Variants in NECTIN3 observed in about 807,000 individuals in gnomAD.
The protein encoded by NECTIN3 is nectin cell adhesion molecule 3, also known as nectin-3.
A neutral mutation model predicts 49.4 loss-of-function variants in NECTIN3; 8 were observed. The ratio of observed to expected loss-of-function variants is 0.16; its 90% CI spans 0.10 to 0.29. The LOEUF (loss-of-function observed/expected upper bound fraction) is 0.29. Ranked by LOEUF, NECTIN3 falls within the 10% of genes least tolerant of loss-of-function variation. NECTIN3 has a pLI of 1.00. For missense variants in NECTIN3, 581 were observed against 654.6 expected, an observed-to-expected ratio of 0.89 and a Z score of 1.23; for synonymous variants, 277 against 241.1, an observed-to-expected ratio of 1.15 and a Z score of -1.38.
At chr3:111,157,612 A>G (rs564727834) in intron 7 of NECTIN3, among the ~76,000 whole-genome samples, 6 of 152,138 alleles carry the variant, frequency 3.9e-5, no homozygotes, top group Admixed American at 2.6e-4. Context: ...CAGTGTAAAG[A>G]TGATGTTTCC....
chr3:111,147,859 C>G (rs2034913290), intron 7 of NECTIN3, among the ~76,000 whole-genome samples: 3 of 152,110 alleles, frequency 2.0e-5, no homozygotes, highest in African/African-American at 4.8e-5. Context: ...AAATGAATAT[C>G]TGTTGAGTAG....
At chr3:111,167,586 G>C (rs532522320) in intron 7 of NECTIN3, among the ~76,000 whole-genome samples, 1 of 152,150 alleles carries the variant, frequency 6.6e-6, no homozygotes, top group Non-Finnish European at 1.5e-5. Flanking sequence ...TTGTAGATAC[G>C]ACTTAGAGTA....
chr3:111,160,634 CAA>C (rs968173173), intron 7 of NECTIN3, among the ~76,000 whole-genome samples: 4 of 151,764 alleles, frequency 2.6e-5, no homozygotes, highest in South Asian at 2.1e-4. Flanking sequence ...TTTTTGCAAC[CAA>C]AGTGATGATC....
Position 111,126,392 on chromosome 3 carries a change from G to A in NECTIN3, c.1069+57G>A, listed in dbSNP as rs1484010853. 4.4e-6 allele frequency: 6 copies of A among 1,375,000 alleles called. No homozygotes were observed. The African/African-American group carries it at 8.8e-5, about 20-fold the overall frequency. 85.2% of individuals were successfully genotyped at this position (1,375,000 alleles called of 1,614,324 possible). A position where few individuals can be genotyped will look rare whatever the true frequency, so the allele number is the denominator to read the frequency against. ...TTTAAAATATTTCTGAATAATCATA[G>A]TAACAATATGATCCTAAGCAATAAT... is the stretch of plus-strand genomic sequence containing the variant. On this transcript the variant is annotated intron_variant, in intron 5 of 5. Coordinates refer to ENST00000485303, the MANE Select transcript of NECTIN3 (RefSeq NM_015480.3).
chr3:111,126,222 A>G lies in NECTIN3; in HGVS notation c.956A>G (p.Asp319Gly). Residue 319 changes from aspartate (D) to glycine (G), a missense_variant, in exon 5 of 6, where the codon GAC (aspartate) becomes GGC (glycine). Asp to Gly is a moderately conservative substitution (Grantham distance 94). Around this residue, in one of 3 missense-constraint regions of NECTIN3, gnomAD observed 234 missense variants for 340.6 expected, o/e 0.69. Transcript: ENST00000485303. ...TGGCCTGATGGTTTATTGGCTTCAG[A>G]CAATACTCTTCATTTTGTCCATCCA... Reference protein sequence around the residue: ...GQWPDGLLASDNTLHFVHPLT... With the variant: ...GQWPDGLLASGNTLHFVHPLT... The G allele has an allele frequency of 6.2e-7, 1 of 1,608,444 alleles. No homozygotes were observed. The highest frequency in any genetic ancestry group is 8.5e-7 in the Non-Finnish European group (1 of 1,178,360).
At chr3:111,167,708 T>C (rs898248904) in intron 7 of NECTIN3, among the ~76,000 whole-genome samples, 3 of 152,220 alleles carry the variant, frequency 2.0e-5, no homozygotes. Context: ...AGTGGTCTCC[T>C]TTGCTGGTGG....
intron 1 of NECTIN3, among the ~76,000 whole-genome samples, chr3:111,082,767 G>A (rs1471242612): frequency 6.6e-6 from 1 of 152,156 alleles, no homozygotes; most frequent in Non-Finnish European, 1.5e-5. Context: ...TTATTAGATT[G>A]TAATATATAA....
intron 7 of NECTIN3, among the ~76,000 whole-genome samples, chr3:111,151,349 A>G (rs943117061): frequency 6.6e-6 from 1 of 151,910 alleles, no homozygotes; most frequent in African/African-American, 2.4e-5. Flanking sequence ...CATTTATAAT[A>G]TCCATATCAC....
At position 111,144,947 on chromosome 3, in the gene NECTIN3, T is replaced by C. The variant is rs898760120; in HGVS notation, c.1049T>C (p.Ile350Thr). Residue 350 changes from isoleucine (I) to threonine (T), a missense_variant, in exon 6 of 9, where the codon ATT becomes ACT. Physicochemically the swap from Ile to Thr is moderately conservative, Grantham distance 89. Transcript: ENST00000493615. ...TCCATAGCTGTAGCTGGAGCGGTAA[T>C]TGGAGCTGTTCTTGCCCTTTTCATC... The C allele has an allele frequency of 9.1e-6, 14 of 1,536,334 alleles. No individual in the cohort carries two copies. In the African/African-American group the frequency reaches 1.5e-4, roughly 17 times the overall value.
intron 5 of NECTIN3, chr3:111,144,811 A>G (rs2034834543): frequency 4.3e-6 from 6 of 1,389,648 alleles, no homozygotes; most frequent in Middle Eastern, 1.8e-4. Flanking sequence ...TACTTCAGTC[A>G]AATAGTTTGC....
At chr3:111,192,871 C>G (rs1242886244) in intron 1 of NECTIN3, among the ~76,000 whole-genome samples, 1 of 152,116 alleles carries the variant, frequency 6.6e-6, no homozygotes, top group African/African-American at 2.4e-5. Flanking sequence ...TTGAGCCTTG[C>G]TTAAGAGACT....
intron 1 of NECTIN3, among the ~76,000 whole-genome samples, chr3:111,193,814 T>C (rs1264655704): frequency 6.6e-6 from 1 of 152,196 alleles, no homozygotes. Context: ...ATTTCACTAA[T>C]TATTTAGCTG....
At chr3:111,092,679 GATTA>G (rs2032345779) in intron 1 of NECTIN3, among the ~76,000 whole-genome samples, 1 of 152,110 alleles carries the variant, frequency 6.6e-6, no homozygotes, top group Non-Finnish European at 1.5e-5. Context: ...ACACAGTTTT[GATTA>G]GTTTCAGTCA....
chr3:111,086,113 T>C (rs1250235728), intron 1 of NECTIN3, among the ~76,000 whole-genome samples: 1 of 152,206 alleles, frequency 6.6e-6, no homozygotes, highest in African/African-American at 2.4e-5. Flanking sequence ...TGCCTGTTCA[T>C]TCTTTTTCCT....
Position 111,134,268 on chromosome 3 carries a change from C to G in NECTIN3, c.*53C>G. Reference sequence around the variant, plus strand: ...ACAATGTTCATTCACACTAGTTGATCATTTTCAGATTGTTCATACTTTTTC... The same window carrying G: ...ACAATGTTCATTCACACTAGTTGATGATTTTCAGATTGTTCATACTTTTTC... On this transcript the variant is annotated 3_prime_UTR_variant, in exon 6 of 6. Coordinates refer to ENST00000485303, the MANE Select transcript of NECTIN3 (RefSeq NM_015480.3). 6.6e-7 allele frequency: 1 copy of G among 1,505,742 alleles called. No individual in the cohort carries two copies. Among genetic ancestry groups the G allele is most frequent in the South Asian group, 1.4e-5 (1 of 70,028 alleles). The allele number at this position is 1,505,742 out of a possible 1,614,324, so 93.3% of individuals were successfully genotyped here. A position where few individuals can be genotyped will look rare whatever the true frequency, so the allele number is the denominator to read the frequency against.
intron 1 of NECTIN3, among the ~76,000 whole-genome samples, chr3:111,077,781 T>G (rs901392838): frequency 1.3e-5 from 2 of 152,244 alleles, no homozygotes; most frequent in Non-Finnish European, 2.9e-5. Flanking sequence ...TTGTTCATTA[T>G]TTGTATTCCC....
At chr3:111,129,675 G>A (rs929043753) in intron 5 of NECTIN3, among the ~76,000 whole-genome samples, 37 of 151,212 alleles carry the variant, frequency 2.4e-4, no homozygotes, top group Admixed American at 2.3e-3. Context: ...TTTGGAGACA[G>A]TCTCGCTCTG....
intron 7 of NECTIN3, among the ~76,000 whole-genome samples, chr3:111,178,693 A>T (rs2107530863): frequency 6.6e-6 from 1 of 152,310 alleles, no homozygotes; most frequent in South Asian, 2.1e-4. Flanking sequence ...CTCCTCACTT[A>T]TATGCCATCT....
chr3:111,143,847 CT>C (rs2034810255), intron 5 of NECTIN3, among the ~76,000 whole-genome samples: 1 of 151,978 alleles, frequency 6.6e-6, no homozygotes, highest in South Asian at 2.1e-4. Flanking sequence ...ATTGAATGGT[CT>C]TGGCAGATTA....
Sources: allele counts gnomAD v4.1 joint callset (sites outside exome capture counted in the v4.1 genomes callset), GRCh38; gene constraint gnomAD v4.1.1; regional missense constraint gnomAD v4.1.1; transcripts MANE v1.5; gene names NCBI Gene and HGNC (gene_info 2026-07-23, HGNC 2026-07-21).